GRAMD1C: variants seen among roughly 807,000 people sequenced by gnomAD.
GRAMD1C encodes the protein protein Aster-C.
GRAMD1C carries 89 observed loss-of-function variants against 97.8 expected under a neutral mutation model. The ratio of observed to expected loss-of-function variants is 0.91; its 90% CI spans 0.77 to 1.09. The LOEUF (loss-of-function observed/expected upper bound fraction) is 1.09, where lower values mean the gene tolerates loss of function less well. GRAMD1C is among the 50% of genes least tolerant of loss of function. The pLI is 0.00. For missense variants in GRAMD1C, 740 were observed against 766.4 expected (o/e 0.97, Z 0.41); for synonymous variants, 256 against 267.0 (o/e 0.96, Z 0.40).
At chr3:113,904,062 A>G (rs1235357924) in intron 7 of GRAMD1C, 78 bp from the exon 8 acceptor site, 4 of 1,016,798 alleles carry the variant, frequency 3.9e-6, no homozygotes, top group Non-Finnish European at 6.0e-6. Flanking sequence ...ATCATAGGAA[A>G]TGACCTCAGT....
intron 10 of GRAMD1C, among the ~76,000 whole-genome samples, chr3:113,921,155 C>T (rs536018185): frequency 2.0e-5 from 3 of 152,132 alleles, no homozygotes; most frequent in Admixed American, 6.6e-5. Context: ...TAAGTGAAAA[C>T]GTGGTATTTA....
Position 113,930,833 on chromosome 3 carries a change from G to C in GRAMD1C, c.1209+1G>C. 1 of 1,474,508 alleles carries C rather than the reference G, an allele frequency of 6.8e-7. No individual in the cohort carries two copies. Among genetic ancestry groups the C allele is most frequent in the Non-Finnish European group, 9.5e-7 (1 of 1,053,020 alleles). The allele number at this position is 1,474,508 out of a possible 1,614,324, so 91.3% of individuals were successfully genotyped here. A position where few individuals can be genotyped will look rare whatever the true frequency, so the allele number is the denominator to read the frequency against. ...ATGCACTGCTGCCACTGAAAAGCAG[G>C]TACGTCTGCTTTGTCAGTGTCCAGA... On this transcript the variant is annotated splice_donor_variant, in intron 11 of 17. Transcript: ENST00000358160. LOFTEE classifies it high-confidence loss of function.
upstream of GRAMD1C, among the ~76,000 whole-genome samples, chr3:113,835,314 C>A (rs1044253396): frequency 1.3e-5 from 2 of 152,200 alleles, no homozygotes; most frequent in Non-Finnish European, 2.9e-5. Context: ...AAACTTCTAA[C>A]AACTTTTCTT....
chr3:113,882,977 A>G (rs1935320098), intron 6 of GRAMD1C, 145 bp downstream of exon 6: 1 of 480,210 alleles, frequency 2.1e-6, no homozygotes, highest in Non-Finnish European at 3.8e-6. Flanking sequence ...AGCAAGATCT[A>G]TAGTTACAAG....
In GRAMD1C at chr3:113,889,057, G is replaced by A. The variant is rs566431889; in HGVS notation, c.540+6225G>A. Among the ~76,000 whole-genome samples the A allele has an allele frequency of 1.6e-3, 248 of 152,144 alleles. 1 individual carries two copies. The highest frequency in any genetic ancestry group is 6.8e-3 in the Middle Eastern group (2 of 294). On this transcript the variant is annotated intron_variant, in intron 6 of 17. Coordinates refer to ENST00000358160, the MANE Select transcript of GRAMD1C (RefSeq NM_017577.5). ...TCTATACTAAAAATACAAATTAGCC[G>A]GGCGTGGTGGCACATGCCTGTAATC... is the stretch of plus-strand genomic sequence containing the variant.
At chr3:113,926,355 A>G (rs62265434) in intron 10 of GRAMD1C, among the ~76,000 whole-genome samples, 19,449 of 152,146 alleles carry the variant, frequency 0.13, 1,555 homozygotes, top group South Asian at 0.21. Flanking sequence ...AATTTGTATT[A>G]TGAAATTTCA....
Position 113,915,830 on chromosome 3 carries a change from A to C in GRAMD1C, c.1082A>C (p.Asn361Thr). Residue 361 changes from asparagine (N) to threonine (T), a missense_variant, in exon 10 of 18, where the codon AAT becomes ACT. Asn to Thr is a moderately conservative substitution (Grantham distance 65). Coordinates refer to ENST00000358160, the MANE Select transcript of GRAMD1C (RefSeq NM_017577.5). Reference protein sequence around the residue: ...RFMQKFASSRNIIDVVSTPWT... With the variant: ...RFMQKFASSRTIIDVVSTPWT... Reference sequence around the variant, plus strand: ...ATGCAGAAATTTGCCAGTTCTAGAAATATAATAGGTTAGTCCTTGTGTTCT... The same window carrying C: ...ATGCAGAAATTTGCCAGTTCTAGAACTATAATAGGTTAGTCCTTGTGTTCT... The C allele has an allele frequency of 1.2e-6, 2 of 1,608,750 alleles. No homozygotes were observed. The highest frequency in any genetic ancestry group is 1.7e-5 in the Admixed American group (1 of 59,902).
chr3:113,924,129 C>T (rs1169012709), intron 10 of GRAMD1C, among the ~76,000 whole-genome samples: 4 of 132,502 alleles, frequency 3.0e-5, no homozygotes, highest in Non-Finnish European at 6.4e-5. Context: ...TGGTAATGTT[C>T]CTTTTGTCAT....
Position 113,882,805 on chromosome 3 carries a change from GTTGTGGCAGA to G in GRAMD1C, c.514_523del (p.Leu172MetfsTer4), listed in dbSNP as rs1297371191. ...ATAGAAGTTACCTCAGTATCTTTAG[GTTGTGGCAGA>G]ATGTATTATTAGATAAGGTAAGTGT... is the stretch of plus-strand genomic sequence containing the variant. On this transcript the variant is annotated frameshift_variant, in exon 6 of 18. Transcript: ENST00000358160. LOFTEE classifies it high-confidence loss of function. The G allele has an allele frequency of 6.3e-7, 1 of 1,588,834 alleles. No individual in the cohort carries two copies. Among genetic ancestry groups the G allele is most frequent in the Non-Finnish European group, 8.6e-7 (1 of 1,157,748 alleles).
intron 6 of GRAMD1C, chr3:113,897,860 C>A: frequency 2.4e-6 from 1 of 422,550 alleles, no homozygotes; most frequent in Non-Finnish European, 3.2e-6. Flanking sequence ...TTGAAGACTA[C>A]TAAGGTAGAT....
chr3:113,861,421 C>G (rs905018237), intron 2 of GRAMD1C, among the ~76,000 whole-genome samples: 4 of 152,112 alleles, frequency 2.6e-5, no homozygotes, highest in African/African-American at 9.7e-5. Context: ...TGGGAGTTCA[C>G]TTGAGGCCAG....
At chr3:113,860,685 G>T (rs927637912) in intron 2 of GRAMD1C, among the ~76,000 whole-genome samples, 5 of 152,108 alleles carry the variant, frequency 3.3e-5, no homozygotes, top group Non-Finnish European at 7.4e-5. Flanking sequence ...AGACTTATGG[G>T]CTAGGTGCAG....
chr3:113,911,173 G>GAGACACACAC (rs375233107), intron 9 of GRAMD1C, among the ~76,000 whole-genome samples: 9 of 147,440 alleles, frequency 6.1e-5, no homozygotes, highest in Admixed American at 6.8e-5. Context: ...CAGAGAGAGA[G>GAGACACACAC]ACACACACAC....
At chr3:113,943,282 G>T (rs979994005) in intron 17 of GRAMD1C, among the ~76,000 whole-genome samples, 3 of 152,148 alleles carry the variant, frequency 2.0e-5, no homozygotes, top group African/African-American at 7.2e-5. Flanking sequence ...TTCTTGAAAT[G>T]TATCTAATGT....
rs184598918 is a variant in GRAMD1C at position 113,881,240 on chromosome 3, C to T, written c.460-1512C>T. On this transcript the variant is annotated intron_variant, in intron 5 of 17. Transcript: ENST00000358160. ...CGCGATCCTAGCTCGCTGCAACCTCCGCCTCCCGGGTTCAAGCGATTCTCC... is the reference window on the plus strand; with the variant it reads ...CGCGATCCTAGCTCGCTGCAACCTCTGCCTCCCGGGTTCAAGCGATTCTCC... Among the ~76,000 whole-genome samples the T allele has an allele frequency of 1.6e-3, 249 of 152,262 alleles. 1 individual carries two copies. The highest frequency in any genetic ancestry group is 6.8e-3 in the Middle Eastern group (2 of 294).
intron 9 of GRAMD1C, among the ~76,000 whole-genome samples, chr3:113,911,426 A>C: frequency 6.6e-6 from 1 of 151,516 alleles, no homozygotes; most frequent in South Asian, 2.1e-4. Context: ...TTGTAATTTT[A>C]GTAAACAAGG....
intron 4 of GRAMD1C, chr3:113,875,842 G>C (rs1401746408): frequency 1.0e-5 from 4 of 393,480 alleles, no homozygotes; most frequent in Non-Finnish European, 1.8e-5. Flanking sequence ...TATCTTAATG[G>C]CTGCCAAAAC....
At chr3:113,834,097 G>A (rs940923028), upstream of GRAMD1C, among the ~76,000 whole-genome samples, 2 of 152,000 alleles carry the variant, frequency 1.3e-5, no homozygotes, top group Non-Finnish European at 2.9e-5. Flanking sequence ...AAAAATTGCA[G>A]AAGTTGGTAC....
At chr3:113,903,820 G>A (rs1293022060) in intron 7 of GRAMD1C, among the ~76,000 whole-genome samples, 2 of 151,804 alleles carry the variant, frequency 1.3e-5, no homozygotes, top group African/African-American at 4.8e-5. Context: ...TCCAAGCTTT[G>A]TGGTTGTACA....
Sources: allele counts gnomAD v4.1 joint callset (sites outside exome capture counted in the v4.1 genomes callset), GRCh38; gene constraint gnomAD v4.1.1; transcripts MANE v1.5; gene names NCBI Gene and HGNC (gene_info 2026-07-23, HGNC 2026-07-21).